MECOM: variants seen among roughly 807,000 people sequenced by gnomAD.
MECOM encodes MDS1 and EVI1 complex locus.
MECOM carries 13 observed loss-of-function variants against 116.3 expected under a neutral mutation model. The ratio of observed to expected loss-of-function variants is 0.11; its 90% CI spans 0.07 to 0.18. MECOM has a LOEUF of 0.18. MECOM is among the 10% of genes least tolerant of loss of function. The probability of loss-of-function intolerance (pLI) is 1.00; values close to 1 mark genes in which losing one functional copy is unlikely to be tolerated. For missense variants in MECOM, 1,299 were observed against 1,509.0 expected, an observed-to-expected ratio of 0.86 and a Z score of 2.31; for synonymous variants, 528 against 535.2, an observed-to-expected ratio of 0.99 and a Z score of 0.19.
At chr3:169,094,905 A>C (rs1458982194) in intron 13 of MECOM, among the ~76,000 whole-genome samples, 171 bp downstream of exon 13, 2 of 152,236 alleles carry the variant, frequency 1.3e-5, no homozygotes, top group African/African-American at 4.8e-5. Flanking sequence ...ATTAATGATC[A>C]CATTGCTCAC....
chr3:169,501,927 T>TG, intron 1 of MECOM, among the ~76,000 whole-genome samples: 1 of 152,140 alleles, frequency 6.6e-6, no homozygotes, highest in Non-Finnish European at 1.5e-5. Flanking sequence ...GTTCAAGGTC[T>TG]GTATCAAATA....
chr3:169,576,820 CACACACACACACACACACAG>C (rs1411417194), intron 1 of MECOM, among the ~76,000 whole-genome samples: 1 of 126,508 alleles, frequency 7.9e-6, no homozygotes, highest in African/African-American at 3.4e-5. Flanking sequence ...CACACACACA[CACACACACACACACACACAG>C]AGAGAGAGAG....
chr3:169,276,997 TACACACAC>T (rs71300479), intron 2 of MECOM, among the ~76,000 whole-genome samples: 4,073 of 144,486 alleles, frequency 0.028, 104 homozygotes, highest in East Asian at 0.094. Context: ...TAATTTATGT[TACACACAC>T]ACACACACAC....
At chr3:169,128,182 AT>A in intron 4 of MECOM, 122 bp from the exon 5 acceptor site, 1 of 812,100 alleles carries the variant, frequency 1.2e-6, no homozygotes, top group Non-Finnish European at 2.0e-6. Context: ...TATCTTGTCA[AT>A]TTTAATCTGG....
intron 2 of MECOM, among the ~76,000 whole-genome samples, chr3:169,369,342 C>CT (rs10661629): frequency 0.066 from 5,737 of 86,708 alleles, 702 homozygotes; most frequent in African/African-American, 0.21. Flanking sequence ...TGATTGCAGC[C>CT]TTTTTTTTTT....
At chr3:169,489,824 T>C (rs1167814798) in intron 1 of MECOM, among the ~76,000 whole-genome samples, 1 of 152,090 alleles carries the variant, frequency 6.6e-6, no homozygotes, top group Non-Finnish European at 1.5e-5. Flanking sequence ...CAAAAACAAT[T>C]TCTAAAACAA....
intron 1 of MECOM, among the ~76,000 whole-genome samples, chr3:169,537,997 T>TA (rs550026316): frequency 1.3e-5 from 2 of 152,102 alleles, no homozygotes; most frequent in Admixed American, 6.5e-5. Flanking sequence ...GGGGATTTTT[T>TA]AAAAAAATAA....
intron 2 of MECOM, among the ~76,000 whole-genome samples, chr3:169,297,813 G>A (rs139155508): frequency 6.6e-6 from 1 of 152,140 alleles, no homozygotes; most frequent in Non-Finnish European, 1.5e-5. Flanking sequence ...AAACTTTCAG[G>A]AGAGTTTCAA....
intron 2 of MECOM, among the ~76,000 whole-genome samples, chr3:169,375,283 C>T (rs1730823848): frequency 1.3e-5 from 2 of 151,760 alleles, no homozygotes; most frequent in African/African-American, 4.8e-5. Flanking sequence ...CAAGAGCAAA[C>T]AAATTCAAAA....
chr3:169,364,881 C>T (rs558540036), intron 2 of MECOM, among the ~76,000 whole-genome samples: 75 of 152,078 alleles, frequency 4.9e-4, no homozygotes, highest in Non-Finnish European at 8.4e-4. Context: ...TGGCATCTAC[C>T]GTATTTAATG....
At chr3:169,530,947 G>A (rs979537687) in intron 1 of MECOM, among the ~76,000 whole-genome samples, 5 of 151,418 alleles carry the variant, frequency 3.3e-5, no homozygotes, top group Non-Finnish European at 7.4e-5. Context: ...TTGCCTGCAC[G>A]ACAAAGATGT....
At chr3:169,630,208 A>C (rs1771915009) in intron 1 of MECOM, among the ~76,000 whole-genome samples, 1 of 152,074 alleles carries the variant, frequency 6.6e-6, no homozygotes, top group Admixed American at 6.5e-5. Flanking sequence ...GGAAAGCCAA[A>C]CCCCGGAACA....
At chr3:169,612,514 G>A (rs1769414688) in intron 1 of MECOM, among the ~76,000 whole-genome samples, 1 of 151,532 alleles carries the variant, frequency 6.6e-6, no homozygotes, top group Admixed American at 6.6e-5. Context: ...GTAGTTCAAG[G>A]GTAGTTTTAA....
At chr3:169,267,261 C>T (rs1347576194) in intron 2 of MECOM, among the ~76,000 whole-genome samples, 2 of 152,216 alleles carry the variant, frequency 1.3e-5, no homozygotes, top group Admixed American at 6.5e-5. Context: ...TTTTAAGCCA[C>T]TGTTTTTGGG....
At chr3:169,625,742 T>C (rs550200611) in intron 1 of MECOM, among the ~76,000 whole-genome samples, 2 of 152,340 alleles carry the variant, frequency 1.3e-5, no homozygotes, top group African/African-American at 4.8e-5. Context: ...AAGGATACAC[T>C]CAGGTGATCT....
intron 1 of MECOM, among the ~76,000 whole-genome samples, chr3:169,612,976 G>A (rs1360734927): frequency 6.6e-6 from 1 of 152,196 alleles, no homozygotes; most frequent in Non-Finnish European, 1.5e-5. Flanking sequence ...GAAAAGGTGA[G>A]AGATTCAACT....
chr3:169,550,414 T>C (rs1165592315), intron 1 of MECOM, among the ~76,000 whole-genome samples: 1 of 152,220 alleles, frequency 6.6e-6, no homozygotes, highest in African/African-American at 2.4e-5. Flanking sequence ...AAAACGTAAT[T>C]GTCACCCATT....
intron 1 of MECOM, among the ~76,000 whole-genome samples, chr3:169,529,268 CT>C (rs1758308735): frequency 6.6e-6 from 1 of 152,216 alleles, no homozygotes; most frequent in African/African-American, 2.4e-5. Flanking sequence ...GCTGTGCAAC[CT>C]TGGTTAAAAC....
At chr3:169,559,956 T>C (rs1282884741) in intron 1 of MECOM, among the ~76,000 whole-genome samples, 3 of 152,200 alleles carry the variant, frequency 2.0e-5, no homozygotes, top group Non-Finnish European at 4.4e-5. Context: ...AAATGTTTTT[T>C]TCATACAGGA....
Sources: allele counts gnomAD v4.1 joint callset (sites outside exome capture counted in the v4.1 genomes callset), GRCh38; gene constraint gnomAD v4.1.1; transcripts MANE v1.5; gene names NCBI Gene and HGNC (gene_info 2026-07-23, HGNC 2026-07-21).